The following PRTG variants were observed in gnomAD, a reference collection of about 807,000 sequenced individuals.
PRTG encodes immunoglobulin superfamily, DCC subclass, member 5.
Under a neutral mutation model 122.5 loss-of-function variants are expected in PRTG, and 67 were observed. The observed-to-expected ratio is 0.55, with a 90% CI of 0.45 to 0.67. PRTG has a LOEUF of 0.67. Among genes scored for constraint, PRTG ranks in the 30% least tolerant of loss-of-function variants. The pLI, the probability that PRTG is intolerant of heterozygous loss-of-function variation, is 0.00. For synonymous variants in PRTG, 554 were observed against 501.1 expected (o/e 1.11, Z -1.41); for missense variants, 1,435 against 1,415.4 (o/e 1.01, Z -0.22).
rs1322901130 is a variant in PRTG, at chr15:55,639,688, T to G, written c.2278A>C (p.Asn760His). The stretch of plus-strand genomic sequence containing the variant: ...GAAGCATTCTGCAGGCCAACAGGAT[T>G]ACAGCGGATGGTGTAGTTAATGATT... ...AQIINYTIRCNPVGLQNASLV... is the reference protein window; with the variant it reads ...AQIINYTIRCHPVGLQNASLV... The change falls in exon 13 of 20, where the codon AAT (asparagine) becomes CAT (histidine). Residue 760 changes from asparagine to histidine, a missense_variant. By Grantham distance (68) the Asn-to-His change is moderately conservative. Transcript: ENST00000389286. 2 of 1,614,122 alleles carry G rather than the reference T, an allele frequency of 1.2e-6. No homozygotes were observed. Among genetic ancestry groups the G allele is most frequent in the Non-Finnish European group, 1.7e-6 (2 of 1,180,022 alleles).
rs764418980 is a variant in PRTG, at chr15:55,673,590, G to A, written c.1633C>T (p.Arg545Trp). The A allele has an allele frequency of 2.5e-6, 4 of 1,614,176 alleles. No individual in the cohort carries two copies. The highest frequency in any genetic ancestry group is 3.4e-6 in the Non-Finnish European group (4 of 1,180,006). Residue 545 changes from arginine to tryptophan, a missense_variant, in exon 10 of 20, where the codon CGG becomes TGG. Physicochemically the swap from Arg to Trp is moderately radical, Grantham distance 101 (BLOSUM62 -3). Coordinates refer to ENST00000389286, the MANE Select transcript of PRTG (RefSeq NM_173814.6). ...ISWLPIPAKY[R>W]RGQVVLYRLS... ...CGATACAGCACCACTTGGCCCCGCC[G>A]ATATTTGGCTGGGATTGGCAGCCAG...
In PRTG at chr15:55,682,626, A is replaced by G. The variant is rs868566149; in HGVS notation, c.543-129T>C. ...GTTGCCCCGGCTGGAGTGCAATGGC[A>G]TGATCTCAGCTCACTGGAACGTCTG... On this transcript the variant is annotated intron_variant, in intron 3 of 19. Transcript: ENST00000389286. The G allele has an allele frequency of 2.1e-5, 7 of 334,404 alleles. No individual in the cohort carries two copies. In the Middle Eastern group the frequency reaches 3.5e-3, roughly 166 times the overall value. The allele number at this position is 334,404 out of a possible 1,614,324, so 20.7% of individuals were successfully genotyped here.
intron 11 of PRTG, 152 bp downstream of exon 11, chr15:55,672,293 A>G (rs1413725481): frequency 1.7e-5 from 10 of 604,160 alleles, no homozygotes; most frequent in Non-Finnish European, 2.8e-5. Flanking sequence ...CCAATCACTG[A>G]CTTCAGCAGT....
intron 2 of PRTG, among the ~76,000 whole-genome samples, chr15:55,723,954 T>C (rs896259959): frequency 2.0e-5 from 3 of 152,092 alleles, no homozygotes; most frequent in African/African-American, 7.2e-5. Flanking sequence ...GGTTTCACCA[T>C]GTTGACCAGG....
Position 55,619,984 on chromosome 15 carries a change from T to C in PRTG, c.*28A>G. 1 of 1,612,182 alleles carries C rather than the reference T, an allele frequency of 6.2e-7. No homozygotes were observed. The highest frequency in any genetic ancestry group is 1.1e-5 in the South Asian group (1 of 90,748). On this transcript the variant is annotated 3_prime_UTR_variant, in exon 20 of 20. Transcript: ENST00000389286. ...CTTCACACTTCCTCAATGCGGAATCTCCACCTGAATCACTGCCAGTGAAAG... is the reference window on the plus strand; with the variant it reads ...CTTCACACTTCCTCAATGCGGAATCCCCACCTGAATCACTGCCAGTGAAAG...
At chr15:55,662,869 G>C (rs2059417598) in intron 11 of PRTG, among the ~76,000 whole-genome samples, 2 of 152,182 alleles carry the variant, frequency 1.3e-5, no homozygotes. Flanking sequence ...AGAGACGCTG[G>C]TCCACAGACT....
intron 2 of PRTG, among the ~76,000 whole-genome samples, chr15:55,690,601 G>A (rs1024533621): frequency 6.6e-6 from 1 of 152,060 alleles, no homozygotes; most frequent in Non-Finnish European, 1.5e-5. Flanking sequence ...GAACATTTCA[G>A]CCTTTTGGAT....
chr15:55,689,838 G>A (rs750610977), intron 2 of PRTG, among the ~76,000 whole-genome samples: 1 of 151,586 alleles, frequency 6.6e-6, no homozygotes, highest in Non-Finnish European at 1.5e-5. Flanking sequence ...TGAGGCAGAA[G>A]AATGGTGTGA....
At chr15:55,689,027 G>A (rs140094334) in intron 2 of PRTG, among the ~76,000 whole-genome samples, 6 of 152,144 alleles carry the variant, frequency 3.9e-5, no homozygotes, top group Admixed American at 1.3e-4. Context: ...TCCTAAACAC[G>A]TGTCAAATCC....
chr15:55,647,034 C>T (rs539299478), intron 11 of PRTG, among the ~76,000 whole-genome samples: 1 of 152,214 alleles, frequency 6.6e-6, no homozygotes, highest in East Asian at 1.9e-4. Flanking sequence ...TGGCTCATGC[C>T]TGTAATCCCA....
rs1595644720 is a variant in PRTG, at chr15:55,680,159, T to C, written c.868A>G (p.Met290Val). 1.9e-6 allele frequency: 3 copies of C among 1,607,714 alleles called. No individual in the cohort carries two copies. The stretch of plus-strand genomic sequence containing the variant: ...TGTTGTAGCCTGACATCAGATATCA[T>C]GAGATTACCATTTCCAAGTACCCGA... ...NTRVLGNGNL[M>V]ISDVRLQHAG... The change falls in exon 6 of 20, where the codon ATG (methionine) becomes GTG (valine). Residue 290 changes from methionine (M) to valine (V), a missense_variant. Physicochemically the swap from Met to Val is conservative, Grantham distance 21 (BLOSUM62 1). Transcript: ENST00000389286.
chr15:55,742,812 G>A (rs12910180), intron 1 of PRTG, 26 bp downstream of exon 1: 716,296 of 1,539,650 alleles, frequency 0.47, 180,577 homozygotes, highest in Non-Finnish European at 0.52. Context: ...ACAGCGGTAA[G>A]AGAAAGCAGA....
At chr15:55,723,984 C>T (rs1305452248) in intron 2 of PRTG, among the ~76,000 whole-genome samples, 1 of 152,104 alleles carries the variant, frequency 6.6e-6, no homozygotes, top group African/African-American at 2.4e-5. Flanking sequence ...AACTCCTGAC[C>T]TCATGATCCG....
intron 2 of PRTG, among the ~76,000 whole-genome samples, chr15:55,701,485 G>T (rs548817467): frequency 1.3e-5 from 2 of 152,230 alleles, no homozygotes; most frequent in South Asian, 2.1e-4. Context: ...AGTGAGCCGA[G>T]ATCACGCCAC....
intron 2 of PRTG, among the ~76,000 whole-genome samples, chr15:55,722,183 C>T (rs76319732): frequency 0.076 from 11,640 of 152,218 alleles, 498 homozygotes; most frequent in Non-Finnish European, 0.1. Flanking sequence ...ATTCCTTACA[C>T]TTTTCTGTAG....
chr15:55,682,535 G>A lies in PRTG; in HGVS notation c.543-38C>T, dbSNP rs745562637. 7.4e-6 allele frequency: 6 copies of A among 810,374 alleles called. No individual in the cohort carries two copies. The East Asian group carries it at 1.6e-4, about 21-fold the overall frequency. The allele number at this position is 810,374 out of a possible 1,614,324, so 50.2% of individuals were successfully genotyped here. A position where few individuals can be genotyped will look rare whatever the true frequency, so the allele number is the denominator to read the frequency against. ...AAAGATAATTAAACTTTTTGTAGTA[G>A]ATTTCATATTTTATTTATTTATTTA... On this transcript the variant is annotated intron_variant, in intron 3 of 19. Coordinates refer to ENST00000389286, the MANE Select transcript of PRTG (RefSeq NM_173814.6).
At chr15:55,696,396 G>A (rs1412323144) in intron 2 of PRTG, among the ~76,000 whole-genome samples, 2 of 152,174 alleles carry the variant, frequency 1.3e-5, no homozygotes, top group Non-Finnish European at 2.9e-5. Context: ...CCATGCGTTT[G>A]TATACTTTAG....
chr15:55,631,203 T>C (rs1006015501), intron 15 of PRTG, among the ~76,000 whole-genome samples: 2 of 152,138 alleles, frequency 1.3e-5, no homozygotes, highest in Admixed American at 6.6e-5. Context: ...GAAGAGTCTT[T>C]CCACTGTTGC....
intron 11 of PRTG, among the ~76,000 whole-genome samples, chr15:55,649,456 TACA>T (rs1185810683): frequency 4.6e-5 from 7 of 151,862 alleles, no homozygotes; most frequent in African/African-American, 9.7e-5. Context: ...AGGGCTTGAG[TACA>T]ACAACAACAA....
Sources: gnomAD v4.1 joint callset for allele counts (sites outside exome capture counted in the v4.1 genomes callset) on GRCh38, gnomAD v4.1.1 for gene constraint, MANE v1.5 for transcripts, NCBI Gene and HGNC (gene_info 2026-07-23, HGNC 2026-07-21) for gene names.